Variants in RAD51B observed in about 807,000 individuals in gnomAD.
RAD51B encodes RAD51 paralog B.
Under a neutral mutation model 42.2 loss-of-function variants are expected in RAD51B, and 38 were observed. The observed-to-expected ratio is 0.90, with a 90% CI of 0.70 to 1.18. The LOEUF is 1.18. Among genes scored for constraint, RAD51B ranks in the 50% most tolerant of loss-of-function variants. The pLI is 0.00. For missense variants in RAD51B, 373 were observed against 400.7 expected, an observed-to-expected ratio of 0.93 and a Z score of 0.59; for synonymous variants, 154 against 145.2, an observed-to-expected ratio of 1.06 and a Z score of -0.43.
chr14:68,268,230 T>C (rs1237406869), intron 7 of RAD51B, among the ~76,000 whole-genome samples: 1 of 152,230 alleles, frequency 6.6e-6, no homozygotes, highest in Non-Finnish European at 1.5e-5. Flanking sequence ...AATGAGCTAT[T>C]AAAATGCATG....
chr14:68,327,402 G>A (rs1244856094), intron 8 of RAD51B, among the ~76,000 whole-genome samples: 5 of 140,978 alleles, frequency 3.5e-5, no homozygotes, highest in African/African-American at 5.3e-5. Context: ...TTTTAACAAA[G>A]AGTTGTTCCA....
In RAD51B at chr14:68,502,388, G is replaced by A. The variant is rs114314911; in HGVS notation, c.1036+34138G>A. On this transcript the variant is annotated intron_variant, in intron 10 of 10. Coordinates refer to the RAD51B transcript ENST00000487270. ...GAGGGGGGCGCACAGCTGCAGTTCC[G>A]ACTCCCCCCACGGGCCGCCCGGGAC... Among the ~76,000 whole-genome samples, 1,364 of 152,280 alleles carry A rather than the reference G, an allele frequency of 9.0e-3. 20 individuals carry two copies. Among genetic ancestry groups the A allele is most frequent in the African/African-American group, 0.03 (1,244 of 41,550 alleles).
chr14:68,611,215 A>T lies in RAD51B; in HGVS notation c.1246A>T (p.Arg416Ter), dbSNP rs973717831. Residue 416 changes from arginine (R) to a stop codon, truncating the protein, a stop_gained, in exon 11 of 11, where the codon AGA (arginine) becomes TGA (stop). Transcript: ENST00000487861. LOFTEE classifies it low-confidence loss of function (END_TRUNC). ...TCCTACAAACTGGGCAACTGGAATC[A>T]GAACAGAGACTTTGGATGAGCATCC... 1 of 703,078 alleles carries T rather than the reference A, an allele frequency of 1.4e-6. No homozygotes were observed. Among genetic ancestry groups the T allele is most frequent in the South Asian group, 1.5e-5 (1 of 67,608 alleles). 43.6% of individuals were successfully genotyped at this position (703,078 alleles called of 1,614,324 possible).
chr14:67,839,650 T>C (rs1211309631), intron 4 of RAD51B, among the ~76,000 whole-genome samples: 1 of 152,012 alleles, frequency 6.6e-6, no homozygotes, highest in Non-Finnish European at 1.5e-5. Flanking sequence ...TTTGTTGGTC[T>C]TCTCTATTAT....
intron 7 of RAD51B, among the ~76,000 whole-genome samples, chr14:68,221,008 G>A (rs1291073385): frequency 6.6e-6 from 1 of 152,160 alleles, no homozygotes; most frequent in South Asian, 2.1e-4. Flanking sequence ...GCGCACACCT[G>A]TAGTCCCAGT....
At chr14:68,135,395 A>G (rs942164816) in intron 7 of RAD51B, among the ~76,000 whole-genome samples, 4 of 152,320 alleles carry the variant, frequency 2.6e-5, no homozygotes, top group African/African-American at 7.2e-5. Flanking sequence ...CTTTGTTTAT[A>G]TAAATTTAGC....
intron 9 of RAD51B, among the ~76,000 whole-genome samples, chr14:68,433,343 TTCCAACTTGGTTCCATTC>T (rs1380994373): frequency 6.6e-6 from 1 of 152,186 alleles, no homozygotes; most frequent in Non-Finnish European, 1.5e-5. Context: ...GCAGAGTGTT[TTCCAACTTGGTTCCATTC>T]TCCCCATCAC....
intron 7 of RAD51B, among the ~76,000 whole-genome samples, chr14:68,249,747 T>C (rs2080580038): frequency 6.6e-6 from 1 of 152,222 alleles, no homozygotes; most frequent in Non-Finnish European, 1.5e-5. Context: ...AAGGGCATTG[T>C]TGAAATGACC....
intron 8 of RAD51B, among the ~76,000 whole-genome samples, chr14:68,295,157 G>A (rs2081589155): frequency 1.3e-5 from 2 of 152,206 alleles, no homozygotes; most frequent in African/African-American, 4.8e-5. Flanking sequence ...AAGCTCAGGG[G>A]CAGGAGCAAT....
rs138877255 is a variant in RAD51B, at chr14:67,992,265, A to G, written c.756+105061A>G. ...GCTGTCTCCTGATATTTGATGGGCA[A>G]CCCTTTGGAAGGAAGGTTAGAATGA... is the stretch of plus-strand genomic sequence containing the variant. On this transcript the variant is annotated intron_variant, in intron 7 of 10. Transcript: ENST00000471583. 5.9e-5 allele frequency among the ~76,000 whole-genome samples: 9 copies of G among 152,334 alleles called. No individual in the cohort carries two copies. In the East Asian group the frequency reaches 1.7e-3, roughly 29 times the overall value.
intron 8 of RAD51B, among the ~76,000 whole-genome samples, chr14:68,346,315 C>T (rs12880109): frequency 0.5 from 75,897 of 152,004 alleles, 21,761 homozygotes; most frequent in South Asian, 0.67. Flanking sequence ...ATCAGGAAGG[C>T]ACTGATTTCT....
intron 8 of RAD51B, among the ~76,000 whole-genome samples, chr14:68,378,999 C>T (rs1338870205): frequency 6.6e-6 from 1 of 152,182 alleles, no homozygotes; most frequent in Non-Finnish European, 1.5e-5. Flanking sequence ...AATGCTTCTT[C>T]ATCCAATTAC....
At chr14:68,586,775 T>C (rs139061317) in intron 10 of RAD51B, among the ~76,000 whole-genome samples, 95 of 152,110 alleles carry the variant, frequency 6.2e-4, no homozygotes, top group African/African-American at 2.2e-3. Flanking sequence ...GAGGCTGAGG[T>C]GGGTGGATCA....
At chr14:68,546,096 C>G (rs1311462529) in intron 10 of RAD51B, among the ~76,000 whole-genome samples, 3 of 152,224 alleles carry the variant, frequency 2.0e-5, no homozygotes, top group African/African-American at 7.2e-5. Context: ...GGCACAAAGT[C>G]TGGCACACAG....
chr14:68,019,137 A>C (rs761659737), intron 7 of RAD51B, among the ~76,000 whole-genome samples: 26 of 151,904 alleles, frequency 1.7e-4, no homozygotes, highest in Non-Finnish European at 2.9e-4. Context: ...AAAAAAAAAA[A>C]CACACCAAAA....
At chr14:68,503,505 T>A (rs569449508) in intron 10 of RAD51B, among the ~76,000 whole-genome samples, 1 of 152,280 alleles carries the variant, frequency 6.6e-6, no homozygotes, top group South Asian at 2.1e-4. Flanking sequence ...TAGATTTCTA[T>A]CTTTTTATTA....
chr14:68,158,852 G>C (rs2078574309), intron 7 of RAD51B, among the ~76,000 whole-genome samples: 1 of 152,170 alleles, frequency 6.6e-6, no homozygotes, highest in South Asian at 2.1e-4. Flanking sequence ...GAGGTGCTGG[G>C]AGAATGAAAG....
intron 7 of RAD51B, among the ~76,000 whole-genome samples, chr14:68,208,049 T>C (rs2079628928): frequency 6.6e-6 from 1 of 152,096 alleles, no homozygotes; most frequent in South Asian, 2.1e-4. Flanking sequence ...AGACAGGCTA[T>C]TTTTAGGGAA....
At chr14:68,083,076 CAT>C (rs2076936422) in intron 7 of RAD51B, among the ~76,000 whole-genome samples, 1 of 152,140 alleles carries the variant, frequency 6.6e-6, no homozygotes, top group African/African-American at 2.4e-5. Context: ...GTTATTGTGA[CAT>C]ATCCTATGTT....
Sources: gnomAD v4.1 joint callset for allele counts (sites outside exome capture counted in the v4.1 genomes callset) on GRCh38, gnomAD v4.1.1 for gene constraint, MANE v1.5 for transcripts, NCBI Gene and HGNC (gene_info 2026-07-23, HGNC 2026-07-21) for gene names.